Variants in CALN1 observed in about 807,000 individuals in gnomAD.
CALN1 encodes the protein calcium-binding protein 8.
Under a neutral mutation model 30.6 loss-of-function variants are expected in CALN1, and 17 were observed. The observed-to-expected ratio is 0.56, with a 90% CI of 0.38 to 0.83. The LOEUF (loss-of-function observed/expected upper bound fraction) is 0.83, where lower values mean the gene tolerates loss of function less well. Among genes scored for constraint, CALN1 ranks in the 40% least tolerant of loss-of-function variants. CALN1 has a pLI of 0.00. For missense variants in CALN1, 291 were observed against 354.9 expected (o/e 0.82, Z 1.45); for synonymous variants, 156 against 131.4 (o/e 1.19, Z -1.28).
intron 2 of CALN1, among the ~76,000 whole-genome samples, chr7:72,338,525 G>GTGTGTGTGTGTCTGTCTTTC: frequency 2.5e-5 from 3 of 122,378 alleles, no homozygotes; most frequent in African/African-American, 9.3e-5. Context: ...GTGTGTGTGT[G>GTGTGTGTGTGTCTGTCTTTC]TGTCTCACCT....
At chr7:71,804,434 G>A (rs1226501044) in intron 6 of CALN1, among the ~76,000 whole-genome samples, 1 of 152,080 alleles carries the variant, frequency 6.6e-6, no homozygotes, top group Non-Finnish European at 1.5e-5. Flanking sequence ...TGTGAGCCTG[G>A]GAATTCCAGG....
intron 4 of CALN1, among the ~76,000 whole-genome samples, chr7:72,025,314 A>C (rs1415502234): frequency 6.6e-6 from 1 of 151,420 alleles, no homozygotes; most frequent in African/African-American, 2.4e-5. Context: ...CCATCTAAAA[A>C]AATAATAATA....
chr7:72,302,412 A>T (rs1239729503), intron 2 of CALN1, among the ~76,000 whole-genome samples: 1 of 152,202 alleles, frequency 6.6e-6, no homozygotes, highest in Non-Finnish European at 1.5e-5. Flanking sequence ...ACACGAGATA[A>T]CAGTGGAGCA....
chr7:72,470,749 C>T, the CALN1 span, among the ~76,000 whole-genome samples: 1 of 152,042 alleles, frequency 6.6e-6, no homozygotes, highest in African/African-American at 2.4e-5. Flanking sequence ...TCTCTAAGTC[C>T]ACAAATAGTG....
intron 2 of CALN1, among the ~76,000 whole-genome samples, chr7:72,397,863 G>A (rs1170593342): frequency 3.3e-5 from 5 of 152,034 alleles, no homozygotes; most frequent in Non-Finnish European, 7.4e-5. Context: ...ATCATGCCTA[G>A]CCCTTCCATT....
chr7:72,101,265 T>C (rs1405922322), intron 4 of CALN1, among the ~76,000 whole-genome samples: 1 of 152,196 alleles, frequency 6.6e-6, no homozygotes, highest in East Asian at 1.9e-4. Context: ...ACAAGAGTTG[T>C]GTGAGCAGAA....
At chr7:72,113,721 G>A (rs566501551) in intron 3 of CALN1, among the ~76,000 whole-genome samples, 4 of 152,360 alleles carry the variant, frequency 2.6e-5, no homozygotes, top group African/African-American at 9.6e-5. Flanking sequence ...CAGCAGAATG[G>A]AATAATTGTG....
intron 4 of CALN1, among the ~76,000 whole-genome samples, chr7:72,038,646 T>C (rs1333861406): frequency 1.3e-5 from 2 of 152,096 alleles, no homozygotes; most frequent in South Asian, 2.1e-4. Flanking sequence ...CGGCACAAGA[T>C]ACAGGTCATA....
intron 3 of CALN1, among the ~76,000 whole-genome samples, chr7:72,267,633 G>A (rs1414194767): frequency 1.3e-5 from 2 of 152,194 alleles, no homozygotes; most frequent in African/African-American, 4.8e-5. Flanking sequence ...TGAATCCCAG[G>A]TCCAGCAGAT....
chr7:72,028,181 G>C (rs1298467729), intron 4 of CALN1, among the ~76,000 whole-genome samples: 1 of 151,472 alleles, frequency 6.6e-6, no homozygotes, highest in Non-Finnish European at 1.5e-5. Flanking sequence ...CATAGTTTAC[G>C]AGATGTGGCA....
chr7:72,184,842 G>A (rs908519355), intron 3 of CALN1, among the ~76,000 whole-genome samples: 1 of 151,798 alleles, frequency 6.6e-6, no homozygotes, highest in Non-Finnish European at 1.5e-5. Context: ...ACCCAGGCTG[G>A]AATGCAGTGG....
chr7:72,038,365 T>C (rs1020694782), intron 4 of CALN1, among the ~76,000 whole-genome samples: 1 of 145,846 alleles, frequency 6.9e-6, no homozygotes, highest in Admixed American at 6.8e-5. Context: ...TGCACCAACC[T>C]AGTATCTATT....
At chr7:71,972,627 CAG>C (rs1174570413) in intron 5 of CALN1, among the ~76,000 whole-genome samples, 2 of 152,062 alleles carry the variant, frequency 1.3e-5, no homozygotes, top group East Asian at 3.9e-4. Context: ...AGATGGTGTG[CAG>C]AGAGACAGCA....
the CALN1 span, among the ~76,000 whole-genome samples, chr7:72,477,376 A>G: frequency 5.3e-5 from 8 of 152,030 alleles, no homozygotes; most frequent in Non-Finnish European, 1.0e-4. Context: ...GTTAAAGGAG[A>G]TCTAACTGAT....
chr7:72,053,557 C>A (rs1037415195), intron 4 of CALN1, among the ~76,000 whole-genome samples: 3 of 152,178 alleles, frequency 2.0e-5, no homozygotes, highest in Non-Finnish European at 4.4e-5. Flanking sequence ...TACTCCCCAA[C>A]CTTACCAGCA....
rs879258849 is a variant in CALN1 at position 72,403,380 on chromosome 7, G to A, written c.-11C>T. 2 of 1,540,230 alleles carry A rather than the reference G, an allele frequency of 1.3e-6. No individual in the cohort carries two copies. Among genetic ancestry groups the A allele is most frequent in the East Asian group, 2.4e-5 (1 of 40,904 alleles). ...CTCTGGCAGCCGCATCGGGGGTCCAGGGCGATGTTCTCAGAGAGAGTTAGA... is the reference window on the plus strand; with the variant it reads ...CTCTGGCAGCCGCATCGGGGGTCCAAGGCGATGTTCTCAGAGAGAGTTAGA... On this transcript the variant is annotated 5_prime_UTR_variant, in exon 2 of 7. Coordinates refer to ENST00000395275, the MANE Select transcript of CALN1 (RefSeq NM_031468.4).
At chr7:72,344,553 A>AAT (rs560975780) in intron 2 of CALN1, among the ~76,000 whole-genome samples, 1,618 of 147,052 alleles carry the variant, frequency 0.011, 21 homozygotes, top group African/African-American at 0.03. Context: ...TGAGGGGATA[A>AAT]ATATATATAT....
chr7:71,893,574 G>A (rs900757877), intron 5 of CALN1, among the ~76,000 whole-genome samples: 1 of 151,852 alleles, frequency 6.6e-6, no homozygotes, highest in Admixed American at 6.6e-5. Context: ...ACATGTAATC[G>A]CAGCTACTTG....
intron 2 of CALN1, among the ~76,000 whole-genome samples, chr7:72,328,935 G>A (rs1477541568): frequency 6.6e-6 from 1 of 152,232 alleles, no homozygotes; most frequent in Non-Finnish European, 1.5e-5. Flanking sequence ...GACCTCAGCT[G>A]ATCCAACCAT....
Sources: allele counts gnomAD v4.1 joint callset (sites outside exome capture counted in the v4.1 genomes callset), GRCh38; gene constraint gnomAD v4.1.1; transcripts MANE v1.5; gene names NCBI Gene and HGNC (gene_info 2026-07-23, HGNC 2026-07-21).